Variants in SGCD observed in about 807,000 individuals in gnomAD.
SGCD encodes sarcoglycan delta.
A neutral mutation model predicts 36.6 loss-of-function variants in SGCD; 18 were observed. The observed-to-expected ratio is 0.49, with a 90% CI of 0.34 to 0.73. The LOEUF (loss-of-function observed/expected upper bound fraction) is 0.73. SGCD is among the 30% of genes least tolerant of loss of function. The pLI is 0.01. For synonymous variants in SGCD, 133 were observed against 130.6 expected (o/e 1.02, Z -0.12); for missense variants, 387 against 346.7 (o/e 1.12, Z -0.92).
intron 3 of SGCD, among the ~76,000 whole-genome samples, chr5:156,288,089 TATC>T (rs1766659878): frequency 6.6e-6 from 1 of 152,176 alleles, no homozygotes; most frequent in African/African-American, 2.4e-5. Context: ...TCTTGAGACT[TATC>T]ATGTTCTTCA....
intron 4 of SGCD, among the ~76,000 whole-genome samples, chr5:156,537,207 G>C (rs1001866496): frequency 1.3e-5 from 2 of 152,062 alleles, no homozygotes; most frequent in Admixed American, 1.3e-4. Flanking sequence ...GAGGATTTCA[G>C]ATGTCTCCAG....
At chr5:156,584,636 GTCACCTATGCTTCTTTC>G (rs1239724446) in intron 4 of SGCD, among the ~76,000 whole-genome samples, 1 of 27,144 alleles carries the variant, frequency 3.7e-5, no homozygotes, top group Non-Finnish European at 7.3e-5. Flanking sequence ...GCTTCTTTCT[GTCACCTATGCTTCTTTC>G]TGTCACCTAG....
chr5:156,644,838 A>G (rs909305860), intron 6 of SGCD, among the ~76,000 whole-genome samples: 9 of 152,162 alleles, frequency 5.9e-5, no homozygotes, highest in African/African-American at 2.2e-4. Flanking sequence ...AGTCAAAAGT[A>G]TGACAAAACT....
chr5:156,353,962 T>G (rs924123700), intron 3 of SGCD, among the ~76,000 whole-genome samples: 21 of 152,306 alleles, frequency 1.4e-4, no homozygotes, highest in Middle Eastern at 3.4e-3. Flanking sequence ...TCAAAGCTGC[T>G]GTAAAGTTAT....
At chr5:156,383,835 A>T (rs754039260) in intron 3 of SGCD, among the ~76,000 whole-genome samples, 8 of 152,126 alleles carry the variant, frequency 5.3e-5, no homozygotes, top group Non-Finnish European at 1.2e-4. Flanking sequence ...GAGTCACCAG[A>T]TGCCAGATGT....
chr5:156,288,280 G>A (rs1766668316), intron 3 of SGCD, among the ~76,000 whole-genome samples: 2 of 152,052 alleles, frequency 1.3e-5, no homozygotes, highest in African/African-American at 4.8e-5. Flanking sequence ...CCATCACTTG[G>A]CACATAAAAT....
At chr5:156,140,757 G>T (rs1289235837) in intron 3 of SGCD, among the ~76,000 whole-genome samples, 1 of 152,098 alleles carries the variant, frequency 6.6e-6, no homozygotes, top group Non-Finnish European at 1.5e-5. Flanking sequence ...GAATAAAAAA[G>T]CATGTTTAGG....
In SGCD at chr5:156,524,113, T is replaced by TAAAACTGTAGTTTTATGTAAAACC. The variant is rs1195397102; in HGVS notation, c.294+15412_294+15413insAAACTGTAGTTTTATGTAAAACCA. On this transcript the variant is annotated intron_variant, in intron 4 of 8. Coordinates refer to ENST00000337851, the MANE Select transcript of SGCD (RefSeq NM_000337.6). ...GTCTTACTATATATATATATATATA[T>TAAAACTGTAGTTTTATGTAAAACC]ATATATATATATATATATATATATA... Among the ~76,000 whole-genome samples, 225 of 33,936 alleles carry TAAAACTGTAGTTTTATGTAAAACC rather than the reference T, an allele frequency of 6.6e-3. 3 individuals are homozygous for TAAAACTGTAGTTTTATGTAAAACC. Among genetic ancestry groups the TAAAACTGTAGTTTTATGTAAAACC allele is most frequent in the Non-Finnish European group, 0.013 (187 of 14,346 alleles). The allele number at this position is 33,936 out of a possible 152,430, so 22.3% of individuals were successfully genotyped here.
the SGCD span, among the ~76,000 whole-genome samples, chr5:155,824,143 C>T: frequency 1.4e-4 from 22 of 152,226 alleles, 1 homozygote; most frequent in African/African-American, 3.9e-4. Flanking sequence ...CTTGAAGAAA[C>T]GATATGGTTC....
chr5:156,448,025 T>C (rs111761127), intron 3 of SGCD, among the ~76,000 whole-genome samples: 6 of 152,198 alleles, frequency 3.9e-5, no homozygotes, highest in African/African-American at 7.2e-5. Context: ...GGAGACAGAA[T>C]TCAAACTCAG....
chr5:156,539,161 G>A (rs1225338787), intron 4 of SGCD, among the ~76,000 whole-genome samples: 1 of 151,990 alleles, frequency 6.6e-6, no homozygotes, highest in African/African-American at 2.4e-5. Context: ...CAAAGGGAAG[G>A]AAGGGGTGTG....
At chr5:155,851,423 T>C in the SGCD span, among the ~76,000 whole-genome samples, 1 of 152,134 alleles carries the variant, frequency 6.6e-6, no homozygotes, top group Non-Finnish European at 1.5e-5. Context: ...TTGTTTTTGC[T>C]TTATTTTCTG....
intron 3 of SGCD, among the ~76,000 whole-genome samples, chr5:156,208,766 C>A (rs2127639949): frequency 6.6e-6 from 1 of 152,294 alleles, no homozygotes; most frequent in African/African-American, 2.4e-5. Context: ...TAAAGACAAA[C>A]TCCTAGTTGG....
chr5:156,652,548 G>T (rs1763502168), intron 7 of SGCD, among the ~76,000 whole-genome samples: 1 of 151,996 alleles, frequency 6.6e-6, no homozygotes, highest in Non-Finnish European at 1.5e-5. Flanking sequence ...TTAACCAAGA[G>T]AGATAATTTG....
At chr5:155,966,973 GTA>G (rs1371123472) in intron 1 of SGCD, among the ~76,000 whole-genome samples, 1 of 149,588 alleles carries the variant, frequency 6.7e-6, no homozygotes, top group Non-Finnish European at 1.5e-5. Flanking sequence ...GTGTGTATGT[GTA>G]TGTGTGTATA....
upstream of SGCD, among the ~76,000 whole-genome samples, chr5:155,868,952 G>T (rs1481025384): frequency 6.6e-6 from 1 of 152,156 alleles, no homozygotes; most frequent in Non-Finnish European, 1.5e-5. Context: ...TTTAGAATTT[G>T]CTAAAATCAA....
chr5:156,511,392 G>A (rs535444835), intron 4 of SGCD, among the ~76,000 whole-genome samples: 3 of 152,242 alleles, frequency 2.0e-5, no homozygotes, highest in South Asian at 4.1e-4. Context: ...CAGTCTCTTC[G>A]CTGTCTGCTG....
chr5:155,868,962 A>G (rs1480351243), upstream of SGCD, among the ~76,000 whole-genome samples: 1 of 152,228 alleles, frequency 6.6e-6, no homozygotes. Flanking sequence ...GCTAAAATCA[A>G]TAGAAAAGTG....
At chr5:156,225,360 T>C (rs77125005) in intron 3 of SGCD, among the ~76,000 whole-genome samples, 9 of 152,128 alleles carry the variant, frequency 5.9e-5, no homozygotes, top group Admixed American at 5.2e-4. Flanking sequence ...TGCCAAATAA[T>C]TGAAGCTACT....
Sources: gnomAD v4.1 joint callset for allele counts (sites outside exome capture counted in the v4.1 genomes callset) on GRCh38, gnomAD v4.1.1 for gene constraint, MANE v1.5 for transcripts, NCBI Gene and HGNC (gene_info 2026-07-23, HGNC 2026-07-21) for gene names.